Variants in FAAH2 observed in about 807,000 individuals in gnomAD.
The protein encoded by FAAH2 is fatty acid amide hydrolase 2.
FAAH2 carries 60 observed loss-of-function variants against 36.9 expected under a neutral mutation model. The observed-to-expected ratio is 1.63, with a 90% CI of 1.32 to 2.02. The LOEUF (loss-of-function observed/expected upper bound fraction) is 2.02, where lower values mean the gene tolerates loss of function less well. Among genes scored for constraint, FAAH2 ranks in the 30% most tolerant of loss-of-function variants. The pLI is 0.00. For synonymous variants in FAAH2, 214 were observed against 143.8 expected (o/e 1.49, Z -3.49); for missense variants, 689 against 397.5 (o/e 1.73, Z -6.23).
chrX:57,310,750 G>T, intron 3 of FAAH2, 21 bp downstream of exon 3: 7 of 1,172,281 alleles, frequency 6.0e-6, no homozygotes, highest in Non-Finnish European at 8.0e-6. Flanking sequence ...TTTATTTTTG[G>T]CTACATGAGT....
chrX:57,301,758 G>GCA (rs1484037607), intron 2 of FAAH2, among the ~76,000 whole-genome samples: 1 of 111,468 alleles, frequency 9.0e-6, no homozygotes, highest in East Asian at 2.8e-4. Context: ...TCATTTTGGT[G>GCA]TTGGTTGTCT....
the FAAH2 span, among the ~76,000 whole-genome samples, chrX:57,209,794 A>C: frequency 1.8e-5 from 2 of 110,990 alleles, no homozygotes; most frequent in African/African-American, 6.6e-5. Flanking sequence ...ACTGCCTTTC[A>C]AGGTTATTTA....
the FAAH2 span, among the ~76,000 whole-genome samples, chrX:57,247,167 C>G: frequency 1.8e-5 from 2 of 111,312 alleles, no homozygotes; most frequent in African/African-American, 3.3e-5. Flanking sequence ...CTGTGATATA[C>G]TAGTTTAGGT....
At chrX:57,254,490 C>A in the FAAH2 span, among the ~76,000 whole-genome samples, 1 of 111,857 alleles carries the variant, frequency 8.9e-6, no homozygotes. Context: ...AGCACCACAT[C>A]GCACTTATTC....
the FAAH2 span, among the ~76,000 whole-genome samples, chrX:57,143,388 A>C: frequency 9.0e-6 from 1 of 111,049 alleles, no homozygotes; most frequent in Non-Finnish European, 1.9e-5. Flanking sequence ...AAAACTGAAA[A>C]AATGCTACAC....
the FAAH2 span, among the ~76,000 whole-genome samples, chrX:57,233,721 C>T: frequency 8.9e-6 from 1 of 112,733 alleles, no homozygotes; most frequent in African/African-American, 3.2e-5. Flanking sequence ...CTCACTGCAA[C>T]CTCCGACTCC....
intron 7 of FAAH2, among the ~76,000 whole-genome samples, chrX:57,407,985 C>T (rs1411873747): frequency 6.3e-5 from 7 of 111,563 alleles, no homozygotes; most frequent in Non-Finnish European, 1.3e-4. Flanking sequence ...GTTTTATTTG[C>T]TTTCAATTCT....
intron 8 of FAAH2, among the ~76,000 whole-genome samples, chrX:57,439,069 C>T (rs191367205): frequency 9.0e-6 from 1 of 110,924 alleles, no homozygotes; most frequent in African/African-American, 3.3e-5. Context: ...CATACGTGTG[C>T]ATGTGTCTTT....
At chrX:57,253,621 T>A in the FAAH2 span, among the ~76,000 whole-genome samples, 19 of 111,799 alleles carry the variant, frequency 1.7e-4, no homozygotes, top group African/African-American at 5.5e-4. Context: ...CATTCAACAT[T>A]CTTAAAGAAA....
chrX:57,448,822 G>A, intron 10 of FAAH2, 104 bp downstream of exon 10: 1 of 785,896 alleles, frequency 1.3e-6, no homozygotes, highest in Non-Finnish European at 1.9e-6. Context: ...TTTTAAACAT[G>A]CAGGTATAAA....
intron 8 of FAAH2, among the ~76,000 whole-genome samples, chrX:57,446,178 G>A (rs1050449664): frequency 7.1e-5 from 8 of 112,448 alleles, no homozygotes; most frequent in Non-Finnish European, 1.1e-4. Flanking sequence ...TCAATGAGGT[G>A]CTGATGGACA....
At chrX:57,246,542 C>T in the FAAH2 span, among the ~76,000 whole-genome samples, 3 of 111,712 alleles carry the variant, frequency 2.7e-5, no homozygotes, top group Non-Finnish European at 5.6e-5. Flanking sequence ...CGGCTTCATC[C>T]CTGGGATGCA....
At chrX:57,446,813 G>C in intron 8 of FAAH2, 115 bp from the exon 9 acceptor site, 1 of 438,952 alleles carries the variant, frequency 2.3e-6, no homozygotes. Context: ...TTCATCAATT[G>C]ACTGGTATTT....
intron 10 of FAAH2, among the ~76,000 whole-genome samples, chrX:57,459,975 C>CA (rs1479851361): frequency 2.7e-5 from 3 of 111,321 alleles, no homozygotes; most frequent in Non-Finnish European, 5.6e-5. Flanking sequence ...AGCAAGGGCA[C>CA]AAAAATGCAT....
chrX:57,231,066 T>TGTGTGTGTGTGA, the FAAH2 span, among the ~76,000 whole-genome samples: 807 of 108,420 alleles, frequency 7.4e-3, 7 homozygotes, highest in African/African-American at 0.026. Context: ...TGTGTGTGTG[T>TGTGTGTGTGTGA]GAGTGTGTGT....
the FAAH2 span, among the ~76,000 whole-genome samples, chrX:57,204,988 C>T: frequency 8.9e-6 from 1 of 112,421 alleles, no homozygotes; most frequent in Non-Finnish European, 1.9e-5. Flanking sequence ...AACGCCATCA[C>T]CACAAAACAC....
At chrX:57,487,079 G>A (rs1430244503) in intron 10 of FAAH2, among the ~76,000 whole-genome samples, 1 of 110,894 alleles carries the variant, frequency 9.0e-6, no homozygotes, top group Non-Finnish European at 1.9e-5. Flanking sequence ...GGATATCTAC[G>A]TGCAAAAGAA....
chrX:57,430,205 C>T (rs1460607211), intron 7 of FAAH2, among the ~76,000 whole-genome samples: 1 of 111,841 alleles, frequency 8.9e-6, no homozygotes, highest in East Asian at 2.8e-4. Context: ...AAAAACACCT[C>T]TATTGTTCAC....
At position 57,293,366 on chromosome X, in the gene FAAH2, T is replaced by C. The variant is rs1448085354; in HGVS notation, c.275+786T>C. On this transcript the variant is annotated intron_variant, in intron 2 of 10. Transcript: ENST00000374900. ...AGCCAATATCATGAAATTATAGACA[T>C]TTAAAATATTTTAATGAAATATAAG... Among the ~76,000 whole-genome samples the C allele has an allele frequency of 3.6e-5, 4 of 112,227 alleles. No individual in the cohort carries two copies. The East Asian group carries it at 1.1e-3, about 31-fold the overall frequency.
Sources: gnomAD v4.1 joint callset for allele counts (sites outside exome capture counted in the v4.1 genomes callset) on GRCh38, gnomAD v4.1.1 for gene constraint, MANE v1.5 for transcripts, NCBI Gene and HGNC (gene_info 2026-07-23, HGNC 2026-07-21) for gene names.